Variants in CALB2 observed in about 807,000 individuals in gnomAD.
CALB2 encodes calbindin 2.
A neutral mutation model predicts 45.9 loss-of-function variants in CALB2; 34 were observed. The observed-to-expected ratio is 0.74, with a 90% CI of 0.56 to 0.99. The LOEUF (loss-of-function observed/expected upper bound fraction) is 0.99. CALB2 is among the 50% of genes least tolerant of loss of function. The pLI is 0.00. For synonymous variants in CALB2, 142 were observed against 129.6 expected (o/e 1.10, Z -0.65); for missense variants, 344 against 339.3 (o/e 1.01, Z -0.11).
chr16:71,367,501 C>T (rs2042301611), intron 1 of CALB2, among the ~76,000 whole-genome samples: 1 of 152,146 alleles, frequency 6.6e-6, no homozygotes, highest in South Asian at 2.1e-4. Flanking sequence ...TTGAGGGAAG[C>T]CAGAGCAGCG....
Position 71,358,865 on chromosome 16 carries a change from T to C in CALB2, c.73T>C (p.Trp25Arg), listed in dbSNP as rs886732312. ...GACGGCGTCCCAGTTCCTGGAAATATGGAAGCACTTTGACGCAGACGGTCA... is the reference window on the plus strand; with the variant it reads ...GACGGCGTCCCAGTTCCTGGAAATACGGAAGCACTTTGACGCAGACGGTCA... ...ELTASQFLEI[W>R]KHFDADGNGY... The change falls in exon 1 of 11, where the codon TGG becomes CGG. Residue 25 changes from tryptophan (W) to arginine (R), a missense_variant. By Grantham distance (101) the Trp-to-Arg change is moderately radical. This residue lies in a region of CALB2 where 77 missense variants were observed against 80.5 expected (regional missense o/e 0.96). Transcript: ENST00000302628. The C allele has an allele frequency of 5.6e-6, 9 of 1,613,240 alleles. No homozygotes were observed. Among genetic ancestry groups the C allele is most frequent in the African/African-American group, 1.3e-5 (1 of 74,934 alleles).
Position 71,383,403 on chromosome 16 carries a change from C to A in CALB2, c.436C>A (p.Pro146Thr). The stretch of plus-strand genomic sequence containing the variant: ...AGACCTGCTGAAGAAGGCGAACCGG[C>A]CGTACGATGAGCCCAAGCTCCAGGA... Reference protein sequence around the residue: ...LSDLLKKANRPYDEPKLQEYT... With the variant: ...LSDLLKKANRTYDEPKLQEYT... The change falls in exon 6 of 11, where the codon CCG becomes ACG. Residue 146 changes from proline (P) to threonine (T), a missense_variant. This residue lies in a region of CALB2 where 263 missense variants were observed against 241.7 expected (regional missense o/e 1.09). Coordinates refer to ENST00000302628, the MANE Select transcript of CALB2 (RefSeq NM_001740.5). 1 of 1,614,090 alleles carries A rather than the reference C, an allele frequency of 6.2e-7. No individual in the cohort carries two copies. The highest frequency in any genetic ancestry group is 8.5e-7 in the Non-Finnish European group (1 of 1,179,994).
At chr16:71,373,325 C>T (rs577968571) in intron 2 of CALB2, among the ~76,000 whole-genome samples, 4 of 152,106 alleles carry the variant, frequency 2.6e-5, no homozygotes, top group African/African-American at 4.8e-5. Flanking sequence ...CTTGGCAGAG[C>T]GCCCCAATGA....
chr16:71,363,259 A>G (rs1652448383), intron 1 of CALB2, among the ~76,000 whole-genome samples: 1 of 152,228 alleles, frequency 6.6e-6, no homozygotes, highest in African/African-American at 2.4e-5. Flanking sequence ...TTCCCTTGTA[A>G]GAAATATGTA....
In CALB2 at chr16:71,382,637, T is replaced by G; in HGVS notation, c.343-82T>G. The G allele has an allele frequency of 4.6e-6, 6 of 1,300,688 alleles. No individual in the cohort carries two copies. The South Asian group carries it at 7.8e-5, about 17-fold the overall frequency. 80.6% of individuals were successfully genotyped at this position (1,300,688 alleles called of 1,614,324 possible). On this transcript the variant is annotated intron_variant, in intron 4 of 10. Coordinates refer to ENST00000302628, the MANE Select transcript of CALB2 (RefSeq NM_001740.5). ...TATTCTTGAAGATCAAGACCCTGGG[T>G]GGCCCATTAAAGGGGAATGGAAGGG...
At chr16:71,363,182 C>T (rs966239524) in intron 1 of CALB2, among the ~76,000 whole-genome samples, 36 of 152,166 alleles carry the variant, frequency 2.4e-4, no homozygotes, top group Admixed American at 2.0e-4. Context: ...CAGACCCTAT[C>T]TTTAAAAAAA....
intron 1 of CALB2, among the ~76,000 whole-genome samples, chr16:71,370,866 T>C (rs1477104225): frequency 6.6e-6 from 1 of 152,204 alleles, no homozygotes; most frequent in Non-Finnish European, 1.5e-5. Flanking sequence ...TGACCATGCA[T>C]TCAGCTCAGT....
chr16:71,373,853 CAAAT>C (rs2042380636), intron 2 of CALB2, among the ~76,000 whole-genome samples: 1 of 152,152 alleles, frequency 6.6e-6, no homozygotes, highest in African/African-American at 2.4e-5. Flanking sequence ...TACTGATAAA[CAAAT>C]AAATATTGAC....
At position 71,383,211 on chromosome 16, in the gene CALB2, A is replaced by G. The variant is rs987511190; in HGVS notation, c.400-156A>G. On this transcript the variant is annotated intron_variant, in intron 5 of 10. Transcript: ENST00000302628. ...GTACAGCCTTAAAAGTCACTCCCCA[A>G]GAGTTAGGAATTATGAGGGCCCTGA... Among the ~76,000 whole-genome samples the G allele has an allele frequency of 1.3e-4, 20 of 152,290 alleles. 1 individual carries two copies. The East Asian group carries it at 3.5e-3, about 26-fold the overall frequency.
chr16:71,383,966 A>G lies in CALB2; in HGVS notation c.478-4A>G, dbSNP rs760708278. ...TAACCCAGGCACCTTTCTGTCCCCA[A>G]CAGCTACGGATGTTTGACTTGAACG... On this transcript the variant is annotated splice_region_variant and splice_polypyrimidine_tract_variant and intron_variant, in intron 6 of 10. Coordinates refer to ENST00000302628, the MANE Select transcript of CALB2 (RefSeq NM_001740.5). 43 of 1,613,738 alleles carry G rather than the reference A, an allele frequency of 2.7e-5. No homozygotes were observed. The highest frequency in any genetic ancestry group is 3.5e-5 in the Non-Finnish European group (41 of 1,179,848).
intron 10 of CALB2, among the ~76,000 whole-genome samples, 184 bp downstream of exon 10, chr16:71,385,832 G>A (rs1598177172): frequency 6.6e-6 from 1 of 152,132 alleles, no homozygotes; most frequent in East Asian, 1.9e-4. Flanking sequence ...TTGATTAATT[G>A]ATGTTTCTTT....
In CALB2 at chr16:71,377,725, G is replaced by T. The variant is rs765330463; in HGVS notation, c.320G>T (p.Gly107Val). The T allele has an allele frequency of 1.9e-6, 3 of 1,613,996 alleles. No individual in the cohort carries two copies. In the South Asian group the frequency reaches 3.3e-5, roughly 18 times the overall value. ...NFLLCFRQHV[G>V]SSAEFMEAWR... ...CTTCTGTGCTTCAGGCAGCACGTGG[G>T]CTCCAGCGCCGAGTTTATGGAGGTG... is the stretch of plus-strand genomic sequence containing the variant. Residue 107 changes from glycine to valine, a missense_variant, in exon 4 of 11, where the codon GGC becomes GTC. Gly to Val is a moderately radical substitution (Grantham distance 109). This residue lies in a region of CALB2 where 263 missense variants were observed against 241.7 expected (regional missense o/e 1.09). Coordinates refer to ENST00000302628, the MANE Select transcript of CALB2 (RefSeq NM_001740.5).
chr16:71,385,350 A>G (rs1567544620), intron 9 of CALB2: 1 of 473,954 alleles, frequency 2.1e-6, no homozygotes, highest in Non-Finnish European at 3.7e-6. Context: ...TTCAACGCAC[A>G]TGAAAAGCAC....
intron 9 of CALB2, 56 bp from the exon 10 acceptor site, chr16:71,385,521 G>C (rs576829765): frequency 6.6e-7 from 1 of 1,518,746 alleles, no homozygotes; most frequent in Non-Finnish European, 9.1e-7. Context: ...GGAATGGGTC[G>C]GGACAGCAGG....
rs2042207885 is a variant in CALB2 at position 71,358,770 on chromosome 16, C to T, written c.-23C>T. ...CGGCGCGGAGCGGGAGCGGTGCAGGCTGAGGTCTCCGAGCGGCTCGCCATG... is the reference window on the plus strand; with the variant it reads ...CGGCGCGGAGCGGGAGCGGTGCAGGTTGAGGTCTCCGAGCGGCTCGCCATG... On this transcript the variant is annotated 5_prime_UTR_variant, in exon 1 of 11. Transcript: ENST00000302628. 6.3e-7 allele frequency: 1 copy of T among 1,589,512 alleles called. No individual in the cohort carries two copies. The highest frequency in any genetic ancestry group is 8.6e-7 in the Non-Finnish European group (1 of 1,166,640).
chr16:71,379,302 TAAATAAATAAATA>T (rs1156484432), intron 4 of CALB2, among the ~76,000 whole-genome samples: 1 of 151,452 alleles, frequency 6.6e-6, no homozygotes, highest in African/African-American at 2.4e-5. Flanking sequence ...AATAAATAAA[TAAATAAATAAATA>T]AAATTAGCAT....
intron 1 of CALB2, among the ~76,000 whole-genome samples, chr16:71,363,363 C>T (rs561442155): frequency 6.6e-6 from 1 of 152,270 alleles, no homozygotes; most frequent in Non-Finnish European, 1.5e-5. Context: ...CAAAGCCTCT[C>T]ACAGGGACTG....
intron 6 of CALB2, among the ~76,000 whole-genome samples, 200 bp downstream of exon 6, chr16:71,383,644 C>T (rs1036480029): frequency 6.6e-6 from 1 of 152,150 alleles, no homozygotes; most frequent in Non-Finnish European, 1.5e-5. Flanking sequence ...GACTCGTGGG[C>T]CAATGTGATT....
intron 6 of CALB2, 25 bp from the exon 7 acceptor site, chr16:71,383,945 C>T: frequency 6.2e-7 from 1 of 1,613,630 alleles, no homozygotes; most frequent in Non-Finnish European, 8.5e-7. Flanking sequence ...AGCAAATAAC[C>T]CAGGCACCTT....
Sources: allele counts gnomAD v4.1 joint callset (sites outside exome capture counted in the v4.1 genomes callset), GRCh38; gene constraint gnomAD v4.1.1; regional missense constraint gnomAD v4.1.1; transcripts MANE v1.5; gene names NCBI Gene and HGNC (gene_info 2026-07-23, HGNC 2026-07-21).